The following GRIK2 variants were observed in gnomAD, a reference collection of about 807,000 sequenced individuals.
GRIK2 encodes the protein glutamate receptor ionotropic, kainate 2.
GRIK2 carries 32 observed loss-of-function variants against 100.3 expected under a neutral mutation model. The ratio of observed to expected loss-of-function variants is 0.32; its 90% CI spans 0.24 to 0.43. GRIK2 has a LOEUF of 0.43. GRIK2 is among the 20% of genes least tolerant of loss of function. The probability of loss-of-function intolerance (pLI) is 1.00; values close to 1 mark genes in which losing one functional copy is unlikely to be tolerated. For synonymous variants in GRIK2, 417 were observed against 389.4 expected (o/e 1.07, Z -0.83); for missense variants, 843 against 1,114.9 (o/e 0.76, Z 3.47).
At position 101,449,644 on chromosome 6, in the gene GRIK2, T is replaced by C. The variant is rs114753124; in HGVS notation, c.115+50252T>C. Among the ~76,000 whole-genome samples the C allele has an allele frequency of 9.4e-3, 1,425 of 151,818 alleles. 9 individuals are homozygous for C. The highest frequency in any genetic ancestry group is 0.03 in the African/African-American group (1,229 of 41,514). On this transcript the variant is annotated intron_variant, in intron 2 of 16. Transcript: ENST00000369134. ...CTAATGATAATAAACTGGTGGAATT[T>C]AGCAAATTCTGTTGATTCAGATTCT...
At chr6:101,525,206 A>G (rs1775089800) in intron 2 of GRIK2, among the ~76,000 whole-genome samples, 1 of 152,252 alleles carries the variant, frequency 6.6e-6, no homozygotes, top group Non-Finnish European at 1.5e-5. Context: ...ATACATTTAA[A>G]TGTTAGTCTA....
At chr6:101,398,391 C>A (rs1775102384) in intron 1 of GRIK2, among the ~76,000 whole-genome samples, 1 of 152,182 alleles carries the variant, frequency 6.6e-6, no homozygotes, top group South Asian at 2.1e-4. Flanking sequence ...GGGTAGCAAT[C>A]AAGGAATACC....
At chr6:101,681,089 T>C (rs1429007027) in intron 5 of GRIK2, among the ~76,000 whole-genome samples, 1 of 152,182 alleles carries the variant, frequency 6.6e-6, no homozygotes, top group Non-Finnish European at 1.5e-5. Flanking sequence ...TTAATGCTGA[T>C]TTATGAGCAT....
chr6:101,716,692 A>G (rs1380233779), intron 7 of GRIK2, among the ~76,000 whole-genome samples: 1 of 151,644 alleles, frequency 6.6e-6, no homozygotes, highest in Non-Finnish European at 1.5e-5. Context: ...TGGCACATGT[A>G]TACATATGTA....
intron 2 of GRIK2, among the ~76,000 whole-genome samples, chr6:101,408,707 A>G (rs1340006014): frequency 6.6e-6 from 1 of 152,110 alleles, no homozygotes; most frequent in Non-Finnish European, 1.5e-5. Context: ...ACCCACCCAC[A>G]TTACGGAGGG....
chr6:101,714,324 G>T (rs982798680), intron 7 of GRIK2, among the ~76,000 whole-genome samples: 4 of 151,652 alleles, frequency 2.6e-5, no homozygotes, highest in Non-Finnish European at 5.9e-5. Context: ...AGACTTTTGT[G>T]ATCTTTTATT....
chr6:101,517,936 G>T (rs1774668850), intron 2 of GRIK2, among the ~76,000 whole-genome samples: 1 of 152,072 alleles, frequency 6.6e-6, no homozygotes. Context: ...GTCTTTTACA[G>T]CTCTCATACT....
intron 2 of GRIK2, among the ~76,000 whole-genome samples, chr6:101,481,905 G>C (rs954553344): frequency 1.3e-5 from 2 of 152,084 alleles, no homozygotes; most frequent in African/African-American, 4.8e-5. Flanking sequence ...CACGAGATCT[G>C]ATGATTTTCT....
At position 101,673,734 on chromosome 6, in the gene GRIK2, G is replaced by GT. The variant is rs199628905; in HGVS notation, c.542-2888dup. Among the ~76,000 whole-genome samples, 1,138 of 152,200 alleles carry GT rather than the reference G, an allele frequency of 7.5e-3. 11 individuals are homozygous for GT. Among genetic ancestry groups the GT allele is most frequent in the Non-Finnish European group, 0.01 (710 of 68,006 alleles). ...ATCCTGTATATGATTCCTCAATGAT[G>GT]TGTTCTTTCCAACCAAAATATTATT... On this transcript the variant is annotated intron_variant, in intron 4 of 16. Transcript: ENST00000369134.
chr6:101,955,127 CT>C (rs1356561058), intron 14 of GRIK2, among the ~76,000 whole-genome samples: 1 of 151,894 alleles, frequency 6.6e-6, no homozygotes, highest in African/African-American at 2.4e-5. Context: ...CATTTTGCAT[CT>C]ATATTCATAA....
chr6:101,563,374 C>G (rs1452839838), intron 2 of GRIK2, among the ~76,000 whole-genome samples: 1 of 152,070 alleles, frequency 6.6e-6, no homozygotes, highest in Admixed American at 6.6e-5. Flanking sequence ...TGAAAGGAAG[C>G]AAATATTTCC....
chr6:101,539,500 A>C (rs1775882818), intron 2 of GRIK2, among the ~76,000 whole-genome samples: 1 of 151,818 alleles, frequency 6.6e-6, no homozygotes, highest in Non-Finnish European at 1.5e-5. Context: ...ATCTCAGATT[A>C]ATTGCCTAAA....
intron 2 of GRIK2, among the ~76,000 whole-genome samples, chr6:101,596,553 T>A (rs979642564): frequency 6.6e-6 from 1 of 151,616 alleles, no homozygotes; most frequent in African/African-American, 2.4e-5. Context: ...TCTTAAAGGG[T>A]GAGTGAATGA....
chr6:101,483,482 T>G (rs1160030527), intron 2 of GRIK2, among the ~76,000 whole-genome samples: 1 of 152,260 alleles, frequency 6.6e-6, no homozygotes, highest in Admixed American at 6.5e-5. Context: ...GAATGTGTAT[T>G]GTTAATTATA....
At chr6:101,398,042 C>T (rs960786535) in intron 1 of GRIK2, among the ~76,000 whole-genome samples, 7 of 151,834 alleles carry the variant, frequency 4.6e-5, no homozygotes, top group Non-Finnish European at 1.0e-4. Context: ...TAACGAAAGC[C>T]AAGAGAGTCA....
intron 14 of GRIK2, among the ~76,000 whole-genome samples, chr6:102,017,020 T>G (rs1769151609): frequency 6.6e-6 from 1 of 152,052 alleles, no homozygotes; most frequent in Non-Finnish European, 1.5e-5. Flanking sequence ...CATATCCAGC[T>G]AATCTAAGCT....
At chr6:101,531,607 T>C (rs1265729077) in intron 2 of GRIK2, among the ~76,000 whole-genome samples, 1 of 151,814 alleles carries the variant, frequency 6.6e-6, no homozygotes, top group Non-Finnish European at 1.5e-5. Context: ...GACTTCCAAA[T>C]GAAAGGGCAG....
At chr6:101,778,174 G>A (rs1051740342) in intron 7 of GRIK2, among the ~76,000 whole-genome samples, 3 of 151,996 alleles carry the variant, frequency 2.0e-5, no homozygotes, top group Admixed American at 6.6e-5. Flanking sequence ...AAAACAAAAG[G>A]CAAGAAAAAT....
At chr6:101,637,694 A>G (rs1781089457) in intron 4 of GRIK2, among the ~76,000 whole-genome samples, 1 of 152,160 alleles carries the variant, frequency 6.6e-6, no homozygotes, top group Non-Finnish European at 1.5e-5. Flanking sequence ...CCCAGTTCAG[A>G]GAAAAACGAA....
Sources: allele counts gnomAD v4.1 joint callset (sites outside exome capture counted in the v4.1 genomes callset), GRCh38; gene constraint gnomAD v4.1.1; transcripts MANE v1.5; gene names NCBI Gene and HGNC (gene_info 2026-07-23, HGNC 2026-07-21).